Variants in GPM6B observed in about 807,000 individuals in gnomAD.
GPM6B encodes the protein neuronal membrane glycoprotein M6-b.
A neutral mutation model predicts 27.2 loss-of-function variants in GPM6B; 4 were observed. The ratio of observed to expected loss-of-function variants is 0.15; its 90% CI spans 0.07 to 0.34. GPM6B has a LOEUF of 0.34. GPM6B is among the 10% of genes least tolerant of loss of function. GPM6B has a pLI of 1.00. For synonymous variants in GPM6B, 124 were observed against 103.1 expected, an observed-to-expected ratio of 1.20 and a Z score of -1.23; for missense variants, 183 against 261.9, an observed-to-expected ratio of 0.70 and a Z score of 2.08.
chrX:13,897,297 A>G, intron 1 of GPM6B, among the ~76,000 whole-genome samples: 1 of 112,207 alleles, frequency 8.9e-6, no homozygotes, highest in Non-Finnish European at 1.9e-5. Context: ...ACTTACTGTC[A>G]TAATATCTTC....
chrX:13,772,026 TAAG>T lies in GPM6B; in HGVS notation c.*852_*854del, dbSNP rs1318436450. The T allele has an allele frequency of 1.8e-5, 2 of 112,447 alleles. No individual in the cohort carries two copies. 9.3% of individuals were successfully genotyped at this position (112,447 alleles called of 1,213,427 possible). On this transcript the variant is annotated 3_prime_UTR_variant, in exon 8 of 8. Transcript: ENST00000316715. ...TAATAAGGTAACACTTCTTAATAAT[TAAG>T]AAAAACATTTATGGAACAAAATTCT...
intron 1 of GPM6B, among the ~76,000 whole-genome samples, chrX:13,913,769 C>T (rs778137728): frequency 1.7e-4 from 19 of 111,304 alleles, no homozygotes; most frequent in African/African-American, 4.9e-4. Context: ...ATGAATTTTT[C>T]GAGACAGGGT....
upstream of GPM6B, chrX:13,938,567 G>A (rs11539022): frequency 2.7e-6 from 2 of 750,472 alleles, no homozygotes; most frequent in Middle Eastern, 3.8e-4. Context: ...CCCCGGGGAC[G>A]GGCAGAGCCG....
intron 1 of GPM6B, among the ~76,000 whole-genome samples, chrX:13,825,212 G>A (rs776948158): frequency 4.5e-5 from 5 of 111,686 alleles, no homozygotes; most frequent in Non-Finnish European, 9.4e-5. Flanking sequence ...GGGGGTGGGG[G>A]ACACAATCCT....
At chrX:13,935,356 A>AAAAAC (rs1420281161) in intron 1 of GPM6B, among the ~76,000 whole-genome samples, 82 of 104,432 alleles carry the variant, frequency 7.9e-4, no homozygotes, top group African/African-American at 2.7e-3. Context: ...AAAAAAAAAA[A>AAAAAC]ACTGTAAAGC....
chrX:13,785,733 G>A lies in GPM6B; in HGVS notation c.257C>T (p.Ser86Phe). 1.7e-6 allele frequency: 2 copies of A among 1,210,921 alleles called. No homozygotes were observed. Among genetic ancestry groups the A allele is most frequent in the Non-Finnish European group, 2.2e-6 (2 of 894,572 alleles). Residue 86 changes from serine to phenylalanine, a missense_variant, in exon 3 of 8, where the codon TCC becomes TTC. Transcript: ENST00000316715. Reference protein sequence around the residue: ...ASLVATILCFSGVALFCGCGH... With the variant: ...ASLVATILCFFGVALFCGCGH... The stretch of plus-strand genomic sequence containing the variant: ...ACAGCCGCAGAATAAGGCCACCCCG[G>A]AGAAGCAGAGGATGGTGGCCACCAG...
intron 1 of GPM6B, among the ~76,000 whole-genome samples, chrX:13,856,448 C>G (rs1264189680): frequency 8.9e-6 from 1 of 111,857 alleles, no homozygotes; most frequent in East Asian, 2.8e-4. Flanking sequence ...CTCAGACCCC[C>G]CTGAATCAGA....
At chrX:13,782,814 C>T (rs1433947181) in intron 4 of GPM6B, among the ~76,000 whole-genome samples, 1 of 96,407 alleles carries the variant, frequency 1.0e-5, no homozygotes, top group Non-Finnish European at 2.1e-5. Flanking sequence ...TGTACAAAAA[C>T]AGGTAGTAGG....
chrX:13,872,620 C>G (rs2049990919), intron 1 of GPM6B, among the ~76,000 whole-genome samples: 1 of 108,057 alleles, frequency 9.3e-6, no homozygotes, highest in Admixed American at 1.0e-4. Flanking sequence ...AACACAAAGA[C>G]AGTAGCACAC....
In GPM6B at chrX:13,880,675, C is replaced by CAAAAAAAAAAAAAAAAAAAAAA. The variant is rs57849359; in HGVS notation, c.-198+57651_-198+57652insTTTTTTTTTTTTTTTTTTTTTT. On this transcript the variant is annotated intron_variant, in intron 1 of 6. Coordinates refer to the GPM6B transcript ENST00000398361. ...TGGGAGACAGAGCAAGGCTCCATCTCAAAAAAAAAAAAAAAAGGCAAATCA... is the reference window on the plus strand; with the variant it reads ...TGGGAGACAGAGCAAGGCTCCATCTCAAAAAAAAAAAAAAAAAAAAAAAAAAAAAAAAAAAAAAGGCAAATCA... Among the ~76,000 whole-genome samples, 24 of 46,615 alleles carry CAAAAAAAAAAAAAAAAAAAAAA rather than the reference C, an allele frequency of 5.1e-4. 1 individual carries two copies. The highest frequency in any genetic ancestry group is 2.2e-3 in the African/African-American group (19 of 8,490). The allele number at this position is 46,615 out of a possible 115,157, so 40.5% of individuals were successfully genotyped here.
chrX:13,860,442 T>G (rs867962970), intron 1 of GPM6B, among the ~76,000 whole-genome samples: 1 of 105,613 alleles, frequency 9.5e-6, no homozygotes, highest in African/African-American at 3.5e-5. Flanking sequence ...CGTGGGGTTT[T>G]TTTTTTTTTT....
At chrX:13,909,811 AC>A (rs2050362550) in intron 1 of GPM6B, among the ~76,000 whole-genome samples, 3 of 111,204 alleles carry the variant, frequency 2.7e-5, no homozygotes, top group Admixed American at 9.6e-5. Flanking sequence ...CTAAGTATAC[AC>A]TCTTAACTAC....
At chrX:13,884,498 T>C (rs753375091) in intron 1 of GPM6B, among the ~76,000 whole-genome samples, 40 of 112,342 alleles carry the variant, frequency 3.6e-4, no homozygotes, top group African/African-American at 1.2e-3. Context: ...ATGTTCCTCA[T>C]CAGTTTCAAG....
chrX:13,816,756 T>C, intron 1 of GPM6B, 88 bp downstream of exon 1: 1 of 1,071,966 alleles, frequency 9.3e-7, no homozygotes, highest in Non-Finnish European at 1.3e-6. Context: ...TCAGAGCCAT[T>C]TTAAAAGAGA....
At chrX:13,906,199 T>C (rs1284282504) in intron 1 of GPM6B, among the ~76,000 whole-genome samples, 1 of 112,483 alleles carries the variant, frequency 8.9e-6, no homozygotes, top group East Asian at 2.8e-4. Context: ...GCTGCTTTTG[T>C]TTTTTGTTCA....
chrX:13,816,357 G>C (rs1264452692), intron 1 of GPM6B, among the ~76,000 whole-genome samples: 2 of 110,645 alleles, frequency 1.8e-5, no homozygotes, highest in Non-Finnish European at 3.8e-5. Context: ...CGTAGTCAGG[G>C]CCTGATACAA....
At chrX:13,834,631 A>G (rs1569245212) in intron 1 of GPM6B, among the ~76,000 whole-genome samples, 1 of 111,706 alleles carries the variant, frequency 9.0e-6, no homozygotes, top group Admixed American at 9.5e-5. Flanking sequence ...TGAAGGCAAT[A>G]AAACTCTGGG....
At chrX:13,827,619 G>A (rs1264896266) in intron 1 of GPM6B, among the ~76,000 whole-genome samples, 1 of 111,659 alleles carries the variant, frequency 9.0e-6, no homozygotes, top group East Asian at 2.8e-4. Flanking sequence ...CTTCAATACT[G>A]TGCCACCATG....
chrX:13,792,674 G>C (rs1446147875), intron 2 of GPM6B, among the ~76,000 whole-genome samples: 1 of 111,614 alleles, frequency 9.0e-6, no homozygotes, highest in African/African-American at 3.3e-5. Flanking sequence ...GACCAGGGCA[G>C]GCAGATCACG....
Sources: allele counts gnomAD v4.1 joint callset (sites outside exome capture counted in the v4.1 genomes callset), GRCh38; gene constraint gnomAD v4.1.1; transcripts MANE v1.5; gene names NCBI Gene and HGNC (gene_info 2026-07-23, HGNC 2026-07-21).